HSD17B11: variants seen among roughly 807,000 people sequenced by gnomAD.
HSD17B11 encodes the protein estradiol 17-beta-dehydrogenase 11.
Under a neutral mutation model 27.8 loss-of-function variants are expected in HSD17B11, and 22 were observed. That is an observed-to-expected ratio of 0.79 (90% CI 0.56 to 1.13). The LOEUF (loss-of-function observed/expected upper bound fraction) is 1.13. HSD17B11 is among the 50% of genes most tolerant of loss of function. The pLI, the probability that HSD17B11 is intolerant of heterozygous loss-of-function variation, is 0.00. For missense variants in HSD17B11, 314 were observed against 351.1 expected (o/e 0.89, Z 0.84); for synonymous variants, 117 against 132.8 (o/e 0.88, Z 0.82).
chr4:87,337,957 C>T (rs560909578), intron 6 of HSD17B11, among the ~76,000 whole-genome samples: 1 of 152,342 alleles, frequency 6.6e-6, no homozygotes, highest in African/African-American at 2.4e-5. Flanking sequence ...GTGGCTCACG[C>T]CTGTAATCCC....
intron 2 of HSD17B11, among the ~76,000 whole-genome samples, chr4:87,381,102 T>C (rs1421000391): frequency 1.5e-5 from 2 of 134,014 alleles, no homozygotes; most frequent in African/African-American, 5.6e-5. Flanking sequence ...GGAGAATCGC[T>C]TGTGAACCCG....
intron 5 of HSD17B11, among the ~76,000 whole-genome samples, chr4:87,346,280 T>G (rs535799084): frequency 1.3e-5 from 2 of 152,304 alleles, no homozygotes; most frequent in African/African-American, 4.8e-5. Context: ...TTCAACCTGT[T>G]TTATAAGCAT....
intron 4 of HSD17B11, among the ~76,000 whole-genome samples, chr4:87,372,407 C>T (rs1735734742): frequency 1.3e-5 from 2 of 151,798 alleles, no homozygotes; most frequent in African/African-American, 4.8e-5. Flanking sequence ...ATTGTTCTTG[C>T]TTTGTAATTT....
intron 4 of HSD17B11, among the ~76,000 whole-genome samples, chr4:87,364,865 T>C (rs1262214530): frequency 6.6e-6 from 1 of 152,202 alleles, no homozygotes; most frequent in Non-Finnish European, 1.5e-5. Flanking sequence ...AAACCTGTCA[T>C]CCAATTAAGA....
intron 4 of HSD17B11, among the ~76,000 whole-genome samples, chr4:87,364,284 AAAG>A: frequency 6.6e-6 from 1 of 151,592 alleles, no homozygotes; most frequent in East Asian, 1.9e-4. Context: ...AAAAAAAAAA[AAAG>A]AAAAAAAACC....
intron 1 of HSD17B11, among the ~76,000 whole-genome samples, chr4:87,389,722 C>T (rs1256372332): frequency 1.3e-5 from 2 of 152,160 alleles, no homozygotes; most frequent in Non-Finnish European, 2.9e-5. Context: ...CATTGCATGT[C>T]AACTAGTGTG....
intron 2 of HSD17B11, among the ~76,000 whole-genome samples, chr4:87,380,730 C>T (rs1720133989): frequency 2.0e-5 from 3 of 151,340 alleles, no homozygotes; most frequent in African/African-American, 2.4e-5. Flanking sequence ...TGGTGACGGG[C>T]GCCTGTAATC....
intron 5 of HSD17B11, among the ~76,000 whole-genome samples, chr4:87,345,445 AG>A (rs1735252903): frequency 6.6e-6 from 1 of 152,004 alleles, no homozygotes; most frequent in Non-Finnish European, 1.5e-5. Flanking sequence ...CAAAGCAAGC[AG>A]AAAAAAAAGA....
At chr4:87,338,104 C>A (rs754105408) in intron 6 of HSD17B11, among the ~76,000 whole-genome samples, 1 of 152,148 alleles carries the variant, frequency 6.6e-6, no homozygotes, top group Non-Finnish European at 1.5e-5. Context: ...ATAGTCCCAG[C>A]TATTCAGGAG....
At position 87,391,081 on chromosome 4, in the gene HSD17B11, GC is replaced by G. The variant is rs1403072059; in HGVS notation, c.-12del. On this transcript the variant is annotated 5_prime_UTR_variant, in exon 1 of 7. Transcript: ENST00000358290. Reference sequence around the variant, plus strand: ...CAGAAGAAATTTCATCCCTTTTGTGGCTGCGAGCGTTTGGTGTGTTTTTTTT... The same window carrying G: ...CAGAAGAAATTTCATCCCTTTTGTGGTGCGAGCGTTTGGTGTGTTTTTTTT... 1.9e-6 allele frequency: 3 copies of G among 1,595,188 alleles called. No homozygotes were observed. The Admixed American group carries it at 5.3e-5, about 28-fold the overall frequency.
intron 4 of HSD17B11, among the ~76,000 whole-genome samples, chr4:87,358,024 C>G (rs1269009166): frequency 7.9e-6 from 1 of 126,068 alleles, no homozygotes; most frequent in African/African-American, 3.0e-5. Flanking sequence ...TGCGGTGGTG[C>G]GATCTCGGCT....
intron 2 of HSD17B11, among the ~76,000 whole-genome samples, chr4:87,377,375 G>A (rs1002905233): frequency 6.6e-5 from 10 of 151,924 alleles, no homozygotes; most frequent in Admixed American, 2.0e-4. Context: ...GCCTGAACCC[G>A]GGAGGCGGAG....
intron 1 of HSD17B11, among the ~76,000 whole-genome samples, chr4:87,386,559 T>C (rs923424303): frequency 6.6e-6 from 1 of 151,754 alleles, no homozygotes; most frequent in African/African-American, 2.4e-5. Flanking sequence ...CAGTGCCCTG[T>C]AGATAGTTGG....
At chr4:87,375,178 C>T (rs936805295) in intron 2 of HSD17B11, among the ~76,000 whole-genome samples, 24 of 152,180 alleles carry the variant, frequency 1.6e-4, no homozygotes, top group Non-Finnish European at 2.4e-4. Flanking sequence ...GGATTACAGG[C>T]ATGAGTCACT....
intron 4 of HSD17B11, among the ~76,000 whole-genome samples, chr4:87,358,795 T>TA (rs35077787): frequency 3.0e-5 from 4 of 132,338 alleles, no homozygotes; most frequent in Admixed American, 7.3e-5. Context: ...TAAAAAATTT[T>TA]AAAAAAAATT....
intron 4 of HSD17B11, among the ~76,000 whole-genome samples, chr4:87,360,145 T>TA (rs1735478278): frequency 1.3e-5 from 2 of 152,056 alleles, no homozygotes; most frequent in South Asian, 4.2e-4. Flanking sequence ...CTGAGTTTTT[T>TA]TCAATGTACA....
chr4:87,373,765 GAT>G, intron 3 of HSD17B11, among the ~76,000 whole-genome samples: 1 of 151,914 alleles, frequency 6.6e-6, no homozygotes, highest in Non-Finnish European at 1.5e-5. Flanking sequence ...AAAACATAAA[GAT>G]ATATGTCAAT....
chr4:87,352,834 C>A (rs9968375), intron 5 of HSD17B11, among the ~76,000 whole-genome samples: 1 of 36,744 alleles, frequency 2.7e-5, no homozygotes, highest in African/African-American at 1.8e-4. Flanking sequence ...TGCGCCGTTT[C>A]TTAAGCCGGT....
intron 1 of HSD17B11, among the ~76,000 whole-genome samples, chr4:87,384,609 T>C (rs1204946740): frequency 1.3e-5 from 2 of 152,084 alleles, no homozygotes; most frequent in Non-Finnish European, 1.5e-5. Context: ...GCTCTGGGAA[T>C]GTCCGTCCTA....
Sources: allele counts gnomAD v4.1 joint callset (sites outside exome capture counted in the v4.1 genomes callset), GRCh38; gene constraint gnomAD v4.1.1; transcripts MANE v1.5; gene names NCBI Gene and HGNC (gene_info 2026-07-23, HGNC 2026-07-21).